ZNF462: variants seen among roughly 807,000 people sequenced by gnomAD.
ZNF462 encodes the protein zinc finger protein 462, also known as zinc finger PBX1-interacting protein.
Under a neutral mutation model 201.9 loss-of-function variants are expected in ZNF462, and 10 were observed. The observed-to-expected ratio is 0.05, with a 90% CI of 0.03 to 0.08. ZNF462 has a LOEUF of 0.08. Ranked by LOEUF, ZNF462 falls within the 10% of genes least tolerant of loss-of-function variation. The probability of loss-of-function intolerance (pLI) is 1.00; values close to 1 mark genes in which losing one functional copy is unlikely to be tolerated. For synonymous variants in ZNF462, 1,227 were observed against 1,193.3 expected (o/e 1.03, Z -0.58); for missense variants, 2,523 against 3,168.3 (o/e 0.80, Z 4.89).
At position 107,009,052 on chromosome 9, in the gene ZNF462, T is replaced by G. The variant is rs1829765157; in HGVS notation, c.7190-493T>G. On this transcript the variant is annotated intron_variant, in intron 11 of 12. Coordinates refer to ENST00000277225, the MANE Select transcript of ZNF462 (RefSeq NM_021224.6). This position sits in a 1 kb window ranked among gnomAD's most constrained non-coding sequence, Gnocchi z 6.1. ...GACCACAAGTCATGAGCCTTCAGCC[T>G]TACTTGGAACAAGTAGAAACCCTGA... is the stretch of plus-strand genomic sequence containing the variant. The G allele has an allele frequency of 6.4e-6, 1 of 155,542 alleles. No individual in the cohort carries two copies. Among genetic ancestry groups the G allele is most frequent in the Non-Finnish European group, 1.4e-5 (1 of 70,140 alleles). The allele number at this position is 155,542 out of a possible 1,614,324, so 9.6% of individuals were successfully genotyped here.
chr9:106,884,787 C>A (rs1828248620), intron 1 of ZNF462, among the ~76,000 whole-genome samples: 1 of 152,138 alleles, frequency 6.6e-6, no homozygotes, highest in Non-Finnish European at 1.5e-5. Flanking sequence ...TGACCGAGGA[C>A]TTGTTCCATA....
chr9:107,001,083 T>C (rs1829153206), intron 10 of ZNF462, among the ~76,000 whole-genome samples: 3 of 152,168 alleles, frequency 2.0e-5, no homozygotes, highest in South Asian at 2.1e-4. Flanking sequence ...GTATTTATAG[T>C]TTCCCTGATT....
chr9:106,860,874 CCAAAGCCGCA>C (rs1360691159), upstream of ZNF462, among the ~76,000 whole-genome samples: 2 of 151,992 alleles, frequency 1.3e-5, no homozygotes, highest in East Asian at 1.9e-4. This position sits in a 1 kb window ranked among gnomAD's most constrained non-coding sequence, Gnocchi z 7.1. Flanking sequence ...GGGAGTCCTC[CCAAAGCCGCA>C]CAAAGCCGGG....
chr9:106,991,888 CA>C (rs1174365006), intron 10 of ZNF462, among the ~76,000 whole-genome samples: 2 of 142,386 alleles, frequency 1.4e-5, no homozygotes, highest in Non-Finnish European at 3.1e-5. Flanking sequence ...ACACAACAAT[CA>C]AAATGGACCG....
Position 107,003,508 on chromosome 9 carries a change from T to C in ZNF462, c.7189+82T>C. ...ACAGAAGGGAGGCAGGAGGTTGTTG[T>C]AGGAGTAACAGAAGGAATGATCCTT... is the stretch of plus-strand genomic sequence containing the variant. On this transcript the variant is annotated intron_variant, in intron 11 of 12. Transcript: ENST00000277225. The surrounding 1 kb of genome is among the most constrained non-coding windows in gnomAD (Gnocchi z 4.4). 6.5e-7 allele frequency: 1 copy of C among 1,541,348 alleles called. No homozygotes were observed. The highest frequency in any genetic ancestry group is 8.8e-7 in the Non-Finnish European group (1 of 1,141,834).
intron 1 of ZNF462, among the ~76,000 whole-genome samples, chr9:106,864,187 G>C (rs1007408406): frequency 6.6e-6 from 1 of 150,842 alleles, no homozygotes; most frequent in Non-Finnish European, 1.5e-5. Context: ...CGGTGCTGCT[G>C]GTGAACAGAG....
chr9:106,948,626 T>C (rs1278016720), intron 7 of ZNF462, among the ~76,000 whole-genome samples: 2 of 152,060 alleles, frequency 1.3e-5, no homozygotes, highest in Admixed American at 6.6e-5. Context: ...ATATTTGTTC[T>C]ATGAGTATAC....
In ZNF462 at chr9:106,919,812, A is replaced by G. The variant is rs1005398389; in HGVS notation, c.-30-3542A>G. ...GTGGTGTTTAAAGTCTAGGCATCTG[A>G]GGTCTATTTGACCTTGAAGGGCCTA... is the stretch of plus-strand genomic sequence containing the variant. On this transcript the variant is annotated intron_variant, in intron 1 of 12. Coordinates refer to ENST00000277225, the MANE Select transcript of ZNF462 (RefSeq NM_021224.6). The surrounding 1 kb of genome is among the most constrained non-coding windows in gnomAD (Gnocchi z 4.5). Among the ~76,000 whole-genome samples, 1 of 152,200 alleles carries G rather than the reference A, an allele frequency of 6.6e-6. No homozygotes were observed. The highest frequency in any genetic ancestry group is 1.5e-5 in the Non-Finnish European group (1 of 68,034).
At chr9:106,898,978 A>G (rs1828931993) in intron 1 of ZNF462, among the ~76,000 whole-genome samples, 1 of 152,200 alleles carries the variant, frequency 6.6e-6, no homozygotes, top group African/African-American at 2.4e-5. Flanking sequence ...GCCAGAAACT[A>G]TGCCAAATGC....
chr9:106,868,719 C>G (rs755109557), intron 1 of ZNF462, among the ~76,000 whole-genome samples: 1 of 152,086 alleles, frequency 6.6e-6, no homozygotes, highest in Non-Finnish European at 1.5e-5. Flanking sequence ...CAGTTGTAAC[C>G]GAGCCAGGCC....
rs1249620429 is a variant in ZNF462 at position 106,919,041 on chromosome 9, A to G, written c.-30-4313A>G. 6.6e-6 allele frequency among the ~76,000 whole-genome samples: 1 copy of G among 152,236 alleles called. No homozygotes were observed. Among genetic ancestry groups the G allele is most frequent in the Non-Finnish European group, 1.5e-5 (1 of 68,042 alleles). ...GCTTTGAAGGTTATAATTAGTTGCT[A>G]CTGAATCACATGGCTGTGGTGCTTC... On this transcript the variant is annotated intron_variant, in intron 1 of 12. Transcript: ENST00000277225. This position sits in a 1 kb window ranked among gnomAD's most constrained non-coding sequence, Gnocchi z 4.5.
chr9:106,968,928 T>TA lies in ZNF462; in HGVS notation c.6428-3077_6428-3076insA, dbSNP rs1383168128. 1.3e-5 allele frequency among the ~76,000 whole-genome samples: 2 copies of TA among 152,186 alleles called. No homozygotes were observed. The highest frequency in any genetic ancestry group is 2.9e-5 in the Non-Finnish European group (2 of 68,028). ...CACAGAACGACCTCCTTCCTGCTCT[T>TA]CAGGCCATGCTTCATGAACAAACAG... On this transcript the variant is annotated intron_variant, in intron 7 of 12. Coordinates refer to ENST00000277225, the MANE Select transcript of ZNF462 (RefSeq NM_021224.6). This position sits in a 1 kb window ranked among gnomAD's most constrained non-coding sequence, Gnocchi z 4.0.
chr9:106,971,542 AAATG>A (rs1826614559), intron 7 of ZNF462, among the ~76,000 whole-genome samples: 1 of 151,904 alleles, frequency 6.6e-6, no homozygotes, highest in Non-Finnish European at 1.5e-5. Flanking sequence ...TGTAGAATGT[AAATG>A]AAGATAAAAG....
At chr9:106,899,350 A>G (rs1016048995) in intron 1 of ZNF462, among the ~76,000 whole-genome samples, 3 of 152,064 alleles carry the variant, frequency 2.0e-5, no homozygotes, top group Non-Finnish European at 4.4e-5. Flanking sequence ...GAAAATGCAG[A>G]AAGGATAACT....
chr9:106,987,222 C>G (rs1049118403), intron 10 of ZNF462, among the ~76,000 whole-genome samples: 24 of 152,154 alleles, frequency 1.6e-4, no homozygotes, highest in Non-Finnish European at 4.4e-5. Context: ...ACTTTTAGTT[C>G]TTTAAGGAAT....
intron 4 of ZNF462, among the ~76,000 whole-genome samples, chr9:106,931,804 G>A (rs1830439002): frequency 6.6e-6 from 1 of 152,292 alleles, no homozygotes; most frequent in Admixed American, 6.5e-5. Flanking sequence ...GGCAGACAGC[G>A]GGATCTTTTG....
chr9:106,970,738 C>T lies in ZNF462; in HGVS notation c.6428-1267C>T, dbSNP rs1826558352. 6.6e-6 allele frequency among the ~76,000 whole-genome samples: 1 copy of T among 152,174 alleles called. No individual in the cohort carries two copies. The highest frequency in any genetic ancestry group is 6.5e-5 in the Admixed American group (1 of 15,286). Reference sequence around the variant, plus strand: ...AGGACAATGTTTTTGAATTTCTAACCTCCACATTGCAAGCAGCATGTTGGG... The same window carrying T: ...AGGACAATGTTTTTGAATTTCTAACTTCCACATTGCAAGCAGCATGTTGGG... On this transcript the variant is annotated intron_variant, in intron 7 of 12. Transcript: ENST00000277225. The surrounding 1 kb of genome is among the most constrained non-coding windows in gnomAD (Gnocchi z 4.2).
At position 107,011,517 on chromosome 9, in the gene ZNF462, A is replaced by C. The variant is rs139833073; in HGVS notation, c.*487A>C. On this transcript the variant is annotated 3_prime_UTR_variant, in exon 13 of 13. Transcript: ENST00000277225. This position sits in a 1 kb window ranked among gnomAD's most constrained non-coding sequence, Gnocchi z 5.6. ...CAAAAAACAAAAAACAGAAAACAAA[A>C]AAAAAAAAACTGCTTTGCATAAAAC... 2.6e-3 allele frequency: 406 copies of C among 153,560 alleles called. No individual in the cohort carries two copies. The highest frequency in any genetic ancestry group is 3.6e-3 in the Non-Finnish European group (251 of 69,064). 9.5% of individuals were successfully genotyped at this position (153,560 alleles called of 1,614,324 possible). A position where few individuals can be genotyped will look rare whatever the true frequency, so the allele number is the denominator to read the frequency against.
Position 106,978,632 on chromosome 9 carries a change from G to C in ZNF462, c.6832+4359G>C, listed in dbSNP as rs1328198850. The C allele has an allele frequency of 3.3e-5, 5 of 151,940 alleles. No individual in the cohort carries two copies. Among genetic ancestry groups the C allele is most frequent in the African/African-American group, 1.2e-4 (5 of 40,924 alleles). The allele number at this position is 151,940 out of a possible 1,614,324, so 9.4% of individuals were successfully genotyped here. On this transcript the variant is annotated intron_variant, in intron 9 of 12. Coordinates refer to ENST00000277225, the MANE Select transcript of ZNF462 (RefSeq NM_021224.6). The surrounding 1 kb of genome is among the most constrained non-coding windows in gnomAD (Gnocchi z 4.1). ...CCTGAACTTCTCTTTCAAGGATGAAGTCAGTGGTAGGACTTTTGGTAGGTT... is the reference window on the plus strand; with the variant it reads ...CCTGAACTTCTCTTTCAAGGATGAACTCAGTGGTAGGACTTTTGGTAGGTT...
Sources: gnomAD v4.1 joint callset for allele counts (sites outside exome capture counted in the v4.1 genomes callset) on GRCh38, gnomAD v4.1.1 for gene constraint, Gnocchi (gnomAD v3.1) non-coding constraint, MANE v1.5 for transcripts, NCBI Gene and HGNC (gene_info 2026-07-23, HGNC 2026-07-21) for gene names.